The following TNR variants were observed in gnomAD, a reference collection of about 807,000 sequenced individuals.
The protein encoded by TNR is tenascin R, also known as tenascin-R.
Under a neutral mutation model 150.4 loss-of-function variants are expected in TNR, and 45 were observed. The observed-to-expected ratio is 0.30, with a 90% CI of 0.24 to 0.38. TNR has a LOEUF of 0.38. Ranked by LOEUF, TNR falls within the 10% of genes least tolerant of loss-of-function variation. The probability of loss-of-function intolerance (pLI) is 1.00; values close to 1 mark genes in which losing one functional copy is unlikely to be tolerated. For synonymous variants in TNR, 687 were observed against 678.4 expected (o/e 1.01, Z -0.20); for missense variants, 1,544 against 1,759.1 (o/e 0.88, Z 2.19).
intron 1 of TNR, among the ~76,000 whole-genome samples, chr1:175,721,644 A>G (rs999459102): frequency 3.2e-4 from 49 of 152,104 alleles, no homozygotes; most frequent in African/African-American, 1.1e-3. Flanking sequence ...CTTACTCACC[A>G]TGGGCTCCCT....
Position 175,453,442 on chromosome 1 carries a change from G to A in TNR, c.-63-46665C>T, listed in dbSNP as rs1031838801. On this transcript the variant is annotated intron_variant, in intron 2 of 22. Coordinates refer to ENST00000367674, the MANE Select transcript of TNR (RefSeq NM_003285.3). ...GGTACTAGATCACAAAGATGAGCCC[G>A]GAGAGGGGAGGGGACCTCTCTGGGG... Among the ~76,000 whole-genome samples the A allele has an allele frequency of 4.6e-5, 7 of 152,230 alleles. No homozygotes were observed. In the South Asian group the frequency reaches 1.2e-3, roughly 27 times the overall value.
At chr1:175,330,827 G>T (rs1649710642) in intron 20 of TNR, among the ~76,000 whole-genome samples, 1 of 152,124 alleles carries the variant, frequency 6.6e-6, no homozygotes, top group Non-Finnish European at 1.5e-5. Flanking sequence ...TCTCTAATCT[G>T]CCTGCTACAT....
At chr1:175,592,553 T>C (rs558400170) in intron 1 of TNR, among the ~76,000 whole-genome samples, 4 of 152,370 alleles carry the variant, frequency 2.6e-5, no homozygotes, top group Admixed American at 2.6e-4. Flanking sequence ...GGTGAGATAG[T>C]CTTTGCTCTC....
intron 2 of TNR, among the ~76,000 whole-genome samples, chr1:175,417,641 C>CA (rs1654559462): frequency 6.7e-6 from 1 of 149,378 alleles, no homozygotes; most frequent in Admixed American, 6.7e-5. Flanking sequence ...TGATTGCTTG[C>CA]TTTTTTTTTT....
chr1:175,542,693 C>T (rs1660551565), intron 1 of TNR, among the ~76,000 whole-genome samples: 1 of 152,210 alleles, frequency 6.6e-6, no homozygotes, highest in Admixed American at 6.5e-5. Context: ...ACAACTTATT[C>T]TCACTAAAAC....
intron 1 of TNR, among the ~76,000 whole-genome samples, chr1:175,707,585 C>T (rs1404443269): frequency 6.6e-6 from 1 of 152,176 alleles, no homozygotes; most frequent in Non-Finnish European, 1.5e-5. Context: ...AACTCATCCT[C>T]CACCAACCCC....
At chr1:175,403,003 A>G (rs1246901216) in intron 4 of TNR, 137 bp downstream of exon 4, 2 of 757,970 alleles carry the variant, frequency 2.6e-6, no homozygotes, top group Non-Finnish European at 4.4e-6. Flanking sequence ...TGGAAAGCAA[A>G]TGAGTACAAC....
intron 1 of TNR, among the ~76,000 whole-genome samples, chr1:175,530,385 C>A (rs934498741): frequency 2.0e-5 from 3 of 152,156 alleles, no homozygotes; most frequent in Non-Finnish European, 4.4e-5. Flanking sequence ...AGAGGATGGG[C>A]AAAGCAGCTC....
At chr1:175,439,583 C>G (rs1011081721) in intron 2 of TNR, among the ~76,000 whole-genome samples, 3 of 152,160 alleles carry the variant, frequency 2.0e-5, no homozygotes, top group Admixed American at 2.0e-4. Context: ...TCAGAGTGAA[C>G]AGGCAACCTA....
At chr1:175,475,080 C>A (rs1407070241) in intron 2 of TNR, among the ~76,000 whole-genome samples, 1 of 152,164 alleles carries the variant, frequency 6.6e-6, no homozygotes, top group African/African-American at 2.4e-5. Flanking sequence ...TCCCAGAGGC[C>A]CCCTGGATGT....
chr1:175,684,099 T>G (rs1252113967), intron 1 of TNR, among the ~76,000 whole-genome samples: 1 of 152,190 alleles, frequency 6.6e-6, no homozygotes, highest in Admixed American at 6.5e-5. Context: ...GGAACCTCTG[T>G]GCTGGGTGTG....
chr1:175,467,834 T>A (rs1657099332), intron 2 of TNR, among the ~76,000 whole-genome samples: 1 of 152,194 alleles, frequency 6.6e-6, no homozygotes, highest in South Asian at 2.1e-4. Flanking sequence ...TGAACTCCAT[T>A]GGGCAAAGAA....
At chr1:175,706,814 T>C (rs1233094181) in intron 1 of TNR, among the ~76,000 whole-genome samples, 1 of 151,992 alleles carries the variant, frequency 6.6e-6, no homozygotes, top group Admixed American at 6.6e-5. Flanking sequence ...CACCACCTCC[T>C]TACCCCCAAA....
At chr1:175,729,701 G>A (rs920563913) in intron 1 of TNR, among the ~76,000 whole-genome samples, 1 of 151,870 alleles carries the variant, frequency 6.6e-6, no homozygotes, top group African/African-American at 2.4e-5. Context: ...AATTTGAGTG[G>A]TGTCATTTTT....
chr1:175,500,190 G>GT (rs970592723), intron 2 of TNR, among the ~76,000 whole-genome samples: 6 of 152,240 alleles, frequency 3.9e-5, no homozygotes, highest in Admixed American at 1.3e-4. Context: ...TTCCAGGAGG[G>GT]TTTTTTTAAG....
At chr1:175,722,618 C>T (rs1169662054) in intron 1 of TNR, among the ~76,000 whole-genome samples, 1 of 151,838 alleles carries the variant, frequency 6.6e-6, no homozygotes, top group African/African-American at 2.4e-5. Flanking sequence ...GTGCACACCA[C>T]CATGCCCAGC....
intron 1 of TNR, among the ~76,000 whole-genome samples, chr1:175,540,041 A>T (rs1489720390): frequency 6.6e-6 from 1 of 152,178 alleles, no homozygotes; most frequent in Non-Finnish European, 1.5e-5. Flanking sequence ...TCCAGAAAGG[A>T]TGGCAAAAGA....
At chr1:175,383,777 T>C (rs923405781) in intron 8 of TNR, among the ~76,000 whole-genome samples, 4 of 152,230 alleles carry the variant, frequency 2.6e-5, no homozygotes, top group African/African-American at 9.6e-5. Context: ...ATCATTTAAC[T>C]GGCACCTGCC....
intron 2 of TNR, among the ~76,000 whole-genome samples, chr1:175,460,499 TGA>T: frequency 6.6e-6 from 1 of 152,296 alleles, no homozygotes; most frequent in Admixed American, 6.5e-5. Flanking sequence ...GGACTCATGC[TGA>T]AATATTAGTA....
Sources: allele counts gnomAD v4.1 joint callset (sites outside exome capture counted in the v4.1 genomes callset), GRCh38; gene constraint gnomAD v4.1.1; transcripts MANE v1.5; gene names NCBI Gene and HGNC (gene_info 2026-07-23, HGNC 2026-07-21).